The following GRIA4 variants were observed in gnomAD, a reference collection of about 807,000 sequenced individuals.
GRIA4 encodes glutamate receptor 4.
In GRIA4, 34 loss-of-function variants were observed where a neutral mutation model predicts 104.0. That is an observed-to-expected ratio of 0.33 (90% CI 0.25 to 0.44). The LOEUF is 0.44. GRIA4 is among the 20% of genes least tolerant of loss of function. The pLI is 1.00. For synonymous variants in GRIA4, 386 were observed against 381.9 expected, an observed-to-expected ratio of 1.01 and a Z score of -0.13; for missense variants, 750 against 1,096.5, an observed-to-expected ratio of 0.68 and a Z score of 4.46.
intron 3 of GRIA4, among the ~76,000 whole-genome samples, chr11:105,616,612 G>A (rs950229371): frequency 6.6e-6 from 1 of 151,366 alleles, no homozygotes; most frequent in African/African-American, 2.4e-5. Flanking sequence ...TTCTTTTCCA[G>A]GATCATGAAG....
At chr11:105,829,958 A>C (rs1160364321) in intron 4 of GRIA4, among the ~76,000 whole-genome samples, 2 of 152,010 alleles carry the variant, frequency 1.3e-5, no homozygotes, top group Non-Finnish European at 2.9e-5. Flanking sequence ...TTTGATCACT[A>C]TAAAACAAAA....
chr11:105,626,272 T>TAC (rs1011188943), intron 3 of GRIA4, among the ~76,000 whole-genome samples: 10 of 151,456 alleles, frequency 6.6e-5, no homozygotes, highest in South Asian at 2.1e-4. Context: ...CATACACACA[T>TAC]ACACACACAC....
intron 3 of GRIA4, among the ~76,000 whole-genome samples, chr11:105,718,863 C>T (rs1336769897): frequency 6.6e-6 from 1 of 152,090 alleles, no homozygotes. Flanking sequence ...GCTGAGGCTC[C>T]TTGAGCAGGA....
chr11:105,908,485 C>G (rs1174477201), intron 9 of GRIA4, among the ~76,000 whole-genome samples: 1 of 151,988 alleles, frequency 6.6e-6, no homozygotes, highest in Non-Finnish European at 1.5e-5. Context: ...TAGGAACTGA[C>G]CCCTCATGTG....
chr11:105,652,665 A>T (rs539875867), intron 3 of GRIA4, among the ~76,000 whole-genome samples: 1 of 152,088 alleles, frequency 6.6e-6, no homozygotes, highest in South Asian at 2.1e-4. Flanking sequence ...ACAATATTTT[A>T]TGACTCATGC....
intron 14 of GRIA4, among the ~76,000 whole-genome samples, chr11:105,956,911 G>C (rs965264561): frequency 2.0e-5 from 3 of 151,960 alleles, no homozygotes; most frequent in Admixed American, 6.6e-5. Flanking sequence ...GTCTTCTTTT[G>C]AGAAGTGTCT....
chr11:105,877,607 T>C (rs12224447), intron 5 of GRIA4, among the ~76,000 whole-genome samples: 1 of 152,280 alleles, frequency 6.6e-6, no homozygotes, highest in East Asian at 1.9e-4. Flanking sequence ...TTTTCATTAG[T>C]TTTCATTCTT....
At chr11:105,753,757 T>C (rs528265523) in intron 4 of GRIA4, among the ~76,000 whole-genome samples, 1 of 152,280 alleles carries the variant, frequency 6.6e-6, no homozygotes, top group South Asian at 2.1e-4. Context: ...TCAATTGATT[T>C]GCAAGAGCAG....
intron 5 of GRIA4, among the ~76,000 whole-genome samples, chr11:105,867,184 C>A (rs902522912): frequency 2.0e-5 from 3 of 152,088 alleles, no homozygotes; most frequent in African/African-American, 7.2e-5. Context: ...CCACGGCTGA[C>A]CTCTCAGAGG....
chr11:105,842,154 A>G (rs994252172), intron 4 of GRIA4, among the ~76,000 whole-genome samples: 1 of 152,160 alleles, frequency 6.6e-6, no homozygotes, highest in Non-Finnish European at 1.5e-5. Flanking sequence ...AGGAGAGAAT[A>G]TACCTTCTCT....
chr11:105,960,142 T>C (rs1948698587), intron 14 of GRIA4, among the ~76,000 whole-genome samples: 1 of 152,178 alleles, frequency 6.6e-6, no homozygotes, highest in East Asian at 1.9e-4. Flanking sequence ...TGTCCCTTGG[T>C]GGAGAGGGTG....
chr11:105,814,012 C>T (rs1056167240), intron 4 of GRIA4, among the ~76,000 whole-genome samples: 22 of 151,762 alleles, frequency 1.4e-4, no homozygotes, highest in African/African-American at 4.8e-4. Context: ...ATAGCAACAA[C>T]AAAAAAAGGC....
At chr11:105,712,191 T>C (rs557856979) in intron 3 of GRIA4, among the ~76,000 whole-genome samples, 1 of 152,230 alleles carries the variant, frequency 6.6e-6, no homozygotes, top group African/African-American at 2.4e-5. Context: ...CCTCAACCAA[T>C]GAATGCATAT....
At chr11:105,705,211 T>C (rs1291382192) in intron 3 of GRIA4, among the ~76,000 whole-genome samples, 2 of 152,020 alleles carry the variant, frequency 1.3e-5, no homozygotes, top group South Asian at 2.1e-4. Flanking sequence ...TGGTTTACCA[T>C]TTGGAAAAAA....
chr11:105,727,198 T>A (rs560701841), intron 3 of GRIA4, among the ~76,000 whole-genome samples: 1 of 151,994 alleles, frequency 6.6e-6, no homozygotes, highest in South Asian at 2.1e-4. Context: ...ATAAATGACC[T>A]GATGGAGCTG....
In GRIA4 at chr11:105,799,191, T is replaced by G. The variant is rs1031689249; in HGVS notation, c.487+45971T>G. ...TTTAGATGCCAAGTATCAAATGGTT[T>G]TAAGGGAAGAGTGATCAGTGTGGTC... On this transcript the variant is annotated intron_variant, in intron 4 of 16. Coordinates refer to ENST00000282499, the MANE Select transcript of GRIA4 (RefSeq NM_000829.4). 3.3e-5 allele frequency among the ~76,000 whole-genome samples: 5 copies of G among 151,986 alleles called. No homozygotes were observed. In the South Asian group the frequency reaches 6.2e-4, roughly 19 times the overall value.
intron 3 of GRIA4, among the ~76,000 whole-genome samples, chr11:105,684,964 T>C (rs1432219874): frequency 6.6e-6 from 1 of 152,172 alleles, no homozygotes; most frequent in Non-Finnish European, 1.5e-5. Context: ...TTGGAATAAC[T>C]ATTTGCAATG....
chr11:105,861,419 C>T (rs1242452324), intron 4 of GRIA4, among the ~76,000 whole-genome samples: 1 of 152,114 alleles, frequency 6.6e-6, no homozygotes, highest in African/African-American at 2.4e-5. Flanking sequence ...ACCAGTGCCT[C>T]ACCTAGTGGT....
chr11:105,766,733 T>A (rs1261538621), intron 4 of GRIA4, among the ~76,000 whole-genome samples: 1 of 152,130 alleles, frequency 6.6e-6, no homozygotes, highest in South Asian at 2.1e-4. Context: ...AGTGGCTTCC[T>A]AGCTCATTCA....
Sources: gnomAD v4.1 joint callset for allele counts (sites outside exome capture counted in the v4.1 genomes callset) on GRCh38, gnomAD v4.1.1 for gene constraint, MANE v1.5 for transcripts, NCBI Gene and HGNC (gene_info 2026-07-23, HGNC 2026-07-21) for gene names.